The following CSMD3 variants were observed in gnomAD, a reference collection of about 807,000 sequenced individuals.
CSMD3 encodes CUB and Sushi multiple domains 3.
A neutral mutation model predicts 435.2 loss-of-function variants in CSMD3; 177 were observed. That is an observed-to-expected ratio of 0.41 (90% CI 0.36 to 0.46). The LOEUF is 0.46. Ranked by LOEUF, CSMD3 falls within the 20% of genes least tolerant of loss-of-function variation. The pLI, the probability that CSMD3 is intolerant of heterozygous loss-of-function variation, is 0.34. For missense variants in CSMD3, 4,265 were observed against 4,504.6 expected, an observed-to-expected ratio of 0.95 and a Z score of 1.52; for synonymous variants, 1,656 against 1,520.5, an observed-to-expected ratio of 1.09 and a Z score of -2.07.
chr8:112,747,962 C>CAAAAAAAAAAAAAAAAAAAAAAAAAAA (rs71309788), intron 13 of CSMD3, among the ~76,000 whole-genome samples: 9 of 96,756 alleles, frequency 9.3e-5, no homozygotes, highest in African/African-American at 3.1e-4. Flanking sequence ...GACTCCGTCT[C>CAAAAAAAAAAAAAAAAAAAAAAAAAAA]AAAAAAAAAA....
chr8:113,050,235 T>C (rs529384948), intron 5 of CSMD3, among the ~76,000 whole-genome samples: 92 of 152,040 alleles, frequency 6.1e-4, no homozygotes, highest in Non-Finnish European at 7.4e-4. Flanking sequence ...TGTGTATGTA[T>C]ATGTGTGGGT....
At chr8:113,431,514 C>A (rs1369433704) in intron 1 of CSMD3, among the ~76,000 whole-genome samples, 1 of 152,136 alleles carries the variant, frequency 6.6e-6, no homozygotes, top group Non-Finnish European at 1.5e-5. Context: ...CCTTACCAGG[C>A]GTATGCTTGG....
intron 22 of CSMD3, among the ~76,000 whole-genome samples, chr8:112,627,409 TGA>T (rs990409996): frequency 1.5e-4 from 23 of 152,110 alleles, no homozygotes; most frequent in African/African-American, 5.6e-4. Flanking sequence ...CTTTCTCGTG[TGA>T]GAGTCTCACT....
At chr8:113,176,360 T>G (rs979207976) in intron 3 of CSMD3, among the ~76,000 whole-genome samples, 3 of 152,068 alleles carry the variant, frequency 2.0e-5, no homozygotes, top group African/African-American at 7.2e-5. Context: ...ATGGATTATA[T>G]TTTTGTCTTC....
rs142894344 is a variant in CSMD3, at chr8:113,286,963, G to GGA, written c.402-8261_402-8260dup. On this transcript the variant is annotated intron_variant, in intron 2 of 70. Coordinates refer to ENST00000297405, the MANE Select transcript of CSMD3 (RefSeq NM_198123.2). ...ACTGATGAAGAAAGAAATAGGAAGA[G>GGA]GAGAGAGAGAGAGAGATTTATTTAA... Among the ~76,000 whole-genome samples, 4 of 150,980 alleles carry GGA rather than the reference G, an allele frequency of 2.6e-5. No individual in the cohort carries two copies. In the South Asian group the frequency reaches 8.4e-4, roughly 32 times the overall value.
intron 1 of CSMD3, among the ~76,000 whole-genome samples, chr8:113,357,002 A>G (rs940334660): frequency 2.0e-5 from 3 of 152,192 alleles, no homozygotes; most frequent in Non-Finnish European, 4.4e-5. Flanking sequence ...ATATGAATCT[A>G]GAACAGAGAG....
chr8:112,995,918 A>G lies in CSMD3; in HGVS notation c.1031-19770T>C, dbSNP rs540211823. On this transcript the variant is annotated intron_variant, in intron 6 of 70. Coordinates refer to ENST00000297405, the MANE Select transcript of CSMD3 (RefSeq NM_198123.2). ...ATTGTGCGGTTTAAGTTGCCCTTCT[A>G]TCTTAGGAGGTTTAGAATCTTAATT... Among the ~76,000 whole-genome samples the G allele has an allele frequency of 2.0e-5, 3 of 151,622 alleles. No individual in the cohort carries two copies. In the East Asian group the frequency reaches 5.8e-4, roughly 29 times the overall value.
At chr8:112,577,687 G>T (rs1830048806) in intron 23 of CSMD3, among the ~76,000 whole-genome samples, 1 of 151,960 alleles carries the variant, frequency 6.6e-6, no homozygotes, top group African/African-American at 2.4e-5. Context: ...ACTTAACATT[G>T]CCATGTTTTA....
intron 4 of CSMD3, among the ~76,000 whole-genome samples, chr8:113,171,396 A>T (rs1283445928): frequency 6.6e-6 from 1 of 152,120 alleles, no homozygotes; most frequent in Non-Finnish European, 1.5e-5. Context: ...CTGAATTGAG[A>T]TGAAGGAACC....
intron 66 of CSMD3, among the ~76,000 whole-genome samples, chr8:112,240,517 C>T (rs1265932206): frequency 6.6e-6 from 1 of 152,092 alleles, no homozygotes; most frequent in Non-Finnish European, 1.5e-5. Context: ...GTGGTCCCTC[C>T]ACTTTTATAG....
At chr8:112,332,140 G>A (rs1488797122) in intron 45 of CSMD3, among the ~76,000 whole-genome samples, 1 of 151,976 alleles carries the variant, frequency 6.6e-6, no homozygotes, top group Non-Finnish European at 1.5e-5. Context: ...AATATAAAGA[G>A]GATAAGAACA....
intron 13 of CSMD3, among the ~76,000 whole-genome samples, chr8:112,711,415 G>C (rs1374249985): frequency 1.3e-5 from 2 of 152,156 alleles, no homozygotes; most frequent in Non-Finnish European, 2.9e-5. Context: ...AAGGTAGGAA[G>C]AGTTGAACTA....
chr8:113,017,306 A>C (rs2131160296), intron 6 of CSMD3, among the ~76,000 whole-genome samples: 1 of 152,102 alleles, frequency 6.6e-6, no homozygotes, highest in South Asian at 2.1e-4. Flanking sequence ...GAAATTTATA[A>C]GTAAGTACAC....
chr8:112,475,356 A>C lies in CSMD3; in HGVS notation c.5279-2649T>G, dbSNP rs370802500. Among the ~76,000 whole-genome samples, 11 of 152,218 alleles carry C rather than the reference A, an allele frequency of 7.2e-5. No homozygotes were observed. In the East Asian group the frequency reaches 1.5e-3, roughly 21 times the overall value. ...ATTTAGAAATATGAAGGCTCTTTTA[A>C]ACTACAAATATACTATGAGGTTGTA... On this transcript the variant is annotated intron_variant, in intron 31 of 70. Coordinates refer to ENST00000297405, the MANE Select transcript of CSMD3 (RefSeq NM_198123.2).
intron 3 of CSMD3, among the ~76,000 whole-genome samples, chr8:113,201,591 A>T (rs2092716518): frequency 6.6e-6 from 1 of 152,052 alleles, no homozygotes; most frequent in Admixed American, 6.6e-5. Context: ...AAAAACAATG[A>T]AACTTGAATT....
intron 32 of CSMD3, among the ~76,000 whole-genome samples, chr8:112,446,249 G>A (rs140835875): frequency 6.6e-6 from 1 of 152,272 alleles, no homozygotes; most frequent in East Asian, 1.9e-4. Flanking sequence ...GTGACAAACT[G>A]TCTTACTTAA....
At chr8:113,197,115 G>A (rs2092665970) in intron 3 of CSMD3, among the ~76,000 whole-genome samples, 1 of 151,038 alleles carries the variant, frequency 6.6e-6, no homozygotes, top group Admixed American at 6.6e-5. Flanking sequence ...TCATATACAG[G>A]CTGAGCATTA....
chr8:112,799,578 G>A (rs2078912857), intron 13 of CSMD3, among the ~76,000 whole-genome samples: 1 of 151,848 alleles, frequency 6.6e-6, no homozygotes. Context: ...CAACATGTGT[G>A]GAAGATATCT....
chr8:112,916,806 T>G (rs1413410536), intron 10 of CSMD3, among the ~76,000 whole-genome samples: 1 of 151,946 alleles, frequency 6.6e-6, no homozygotes, highest in African/African-American at 2.4e-5. Context: ...TAATTAAATC[T>G]TCCTATAATA....
Sources: gnomAD v4.1 joint callset for allele counts (sites outside exome capture counted in the v4.1 genomes callset) on GRCh38, gnomAD v4.1.1 for gene constraint, MANE v1.5 for transcripts, NCBI Gene and HGNC (gene_info 2026-07-23, HGNC 2026-07-21) for gene names.